The following RNF31 variants were observed in gnomAD, a reference collection of about 807,000 sequenced individuals.
The protein encoded by RNF31 is E3 ubiquitin-protein ligase RNF31.
In RNF31, 38 loss-of-function variants were observed where a neutral mutation model predicts 133.6. The observed-to-expected ratio is 0.28, with a 90% confidence interval of 0.22 to 0.37. The LOEUF (loss-of-function observed/expected upper bound fraction) is 0.37, where lower values mean the gene tolerates loss of function less well. Ranked by LOEUF, RNF31 falls within the 10% of genes least tolerant of loss-of-function variation. The pLI, the probability that RNF31 is intolerant of heterozygous loss-of-function variation, is 1.00. For synonymous variants in RNF31, 582 were observed against 552.3 expected, an observed-to-expected ratio of 1.05 and a Z score of -0.75; for missense variants, 1,118 against 1,394.1, an observed-to-expected ratio of 0.80 and a Z score of 3.15.
chr14:24,148,143 G>A, intron 2 of RNF31, 21 bp downstream of exon 2: 6 of 1,614,026 alleles, frequency 3.7e-6, no homozygotes, highest in East Asian at 2.2e-5. Context: ...TGGCCTTATG[G>A]GAGAGGGGGC....
rs897029759 is a variant in RNF31 at position 24,157,821 on chromosome 14, C to T, written c.2728-77C>T. 2.1e-5 allele frequency: 26 copies of T among 1,265,778 alleles called. 1 individual carries two copies. The Admixed American group carries it at 4.1e-4, about 20-fold the overall frequency. 78.4% of individuals were successfully genotyped at this position (1,265,778 alleles called of 1,614,324 possible). On this transcript the variant is annotated intron_variant, in intron 16 of 20. Transcript: ENST00000324103. The stretch of plus-strand genomic sequence containing the variant: ...TCTCCATCTCCCCTCACCCTTACAC[C>T]CCTCACGCAGGGGTTCCTGAGAGGC...
In RNF31 at chr14:24,157,609, G is replaced by A; in HGVS notation, c.2698G>A (p.Gly900Ser). The change falls in exon 16 of 21, where the codon GGC (glycine) becomes AGC (serine). Residue 900 changes from glycine to serine, a missense_variant. Transcript: ENST00000324103. ...CTQCRHQFCS[G>S]CYNAFYAKNK... ...CCAGTGCCGCCACCAGTTCTGCAGC[G>A]GCTGCTACAATGCCTTTTACGCCAA... 6.2e-7 allele frequency: 1 copy of A among 1,614,148 alleles called. No homozygotes were observed. The highest frequency in any genetic ancestry group is 8.5e-7 in the Non-Finnish European group (1 of 1,180,006).
At chr14:24,156,608 G>A (rs1192675857) in intron 14 of RNF31, among the ~76,000 whole-genome samples, 4 of 152,022 alleles carry the variant, frequency 2.6e-5, no homozygotes, top group Admixed American at 1.3e-4. Context: ...GTGAAACCCC[G>A]TCTCTACTAA....
rs528579961 is a variant in RNF31, at chr14:24,151,635, G to C, written c.1888G>C (p.Glu630Gln). The change falls in exon 10 of 21, where the codon GAG (glutamate) becomes CAG (glutamine). Residue 630 changes from glutamate (E) to glutamine (Q), a missense_variant. By Grantham distance (29) the Glu-to-Gln change is conservative. Transcript: ENST00000324103. The surrounding 1 kb of genome is among the most constrained non-coding windows in gnomAD (Gnocchi z 5.3). ...FRQRLWDSGP[E>Q]PTPSWDGPDK... ...CCAGCGCCTCTGGGACAGTGGCCCT[G>C]AGCCCACCCCTTCCTGGGATGGGCC... 71 of 1,612,702 alleles carry C rather than the reference G, an allele frequency of 4.4e-5. 1 individual carries two copies. The South Asian group carries it at 7.4e-4, about 17-fold the overall frequency.
At position 24,148,027 on chromosome 14, in the gene RNF31, T is replaced by TA; in HGVS notation, c.245dup (p.Tyr82Ter). The TA allele has an allele frequency of 6.2e-7, 1 of 1,614,180 alleles. No homozygotes were observed. The highest frequency in any genetic ancestry group is 8.5e-7 in the Non-Finnish European group (1 of 1,180,020). The change falls in exon 2 of 21, where the codon TAC becomes TAAC. Residue 82 changes from tyrosine to a stop codon, truncating the protein, a stop_gained and frameshift_variant. Transcript: ENST00000324103. LOFTEE classifies it high-confidence loss of function. ...CACGGCTCTGAACATCCTGGAGAAA[T>TA]ACGGCCGCAACCTTCTCAGCCCTCA... Reference protein sequence around the residue: ...LSTALNILEKYGRNLLSPQRP... With the variant: ...LSTALNILEK
At chr14:24,149,949 G>A (rs1407038044) in intron 6 of RNF31, 112 bp from the exon 7 acceptor site, 69 of 1,299,302 alleles carry the variant, frequency 5.3e-5, no homozygotes, top group Non-Finnish European at 6.4e-5. Flanking sequence ...CAGACAATGT[G>A]TGCAAAGGCC....
At chr14:24,156,416 G>A (rs1393293059) in intron 14 of RNF31, among the ~76,000 whole-genome samples, 2 of 152,110 alleles carry the variant, frequency 1.3e-5, no homozygotes, top group Admixed American at 6.6e-5. Flanking sequence ...GTGATCCCTC[G>A]CCTCAGCCTT....
At chr14:24,148,777 C>T in intron 4 of RNF31, 24 bp from the exon 5 acceptor site, 1 of 1,613,984 alleles carries the variant, frequency 6.2e-7, no homozygotes, top group African/African-American at 1.3e-5. Flanking sequence ...AACCCTTATT[C>T]ATTCCCTGCC....
chr14:24,151,861 C>A lies in RNF31; in HGVS notation c.1999C>A (p.Gln667Lys), dbSNP rs1342115477. ...GGCAGAGCTGGCACTGTCACTGCTG[C>A]AGGAGACACCCAGGAACTATGAGTT... The part of the protein sequence containing the change: ...GRAELALSLL[Q>K]ETPRNYELGD... Residue 667 changes from glutamine (Q) to lysine (K), a missense_variant, in exon 11 of 21, where the codon CAG becomes AAG. Gln to Lys is a moderately conservative substitution (Grantham distance 53). Coordinates refer to ENST00000324103, the MANE Select transcript of RNF31 (RefSeq NM_017999.5). The surrounding 1 kb of genome is among the most constrained non-coding windows in gnomAD (Gnocchi z 5.3). The A allele has an allele frequency of 6.2e-7, 1 of 1,614,044 alleles. No homozygotes were observed. Among genetic ancestry groups the A allele is most frequent in the African/African-American group, 1.3e-5 (1 of 74,942 alleles).
In RNF31 at chr14:24,155,365, G is replaced by C; in HGVS notation, c.2304+35G>C. 1.2e-6 allele frequency: 2 copies of C among 1,614,010 alleles called. No individual in the cohort carries two copies. Among genetic ancestry groups the C allele is most frequent in the Non-Finnish European group, 1.7e-6 (2 of 1,179,888 alleles). Reference sequence around the variant, plus strand: ...CCCCTCTAGGACTCAGGTACCCTGAGCTTTGAACAGGGACCCTCCCACCCA... The same window carrying C: ...CCCCTCTAGGACTCAGGTACCCTGACCTTTGAACAGGGACCCTCCCACCCA... On this transcript the variant is annotated intron_variant, in intron 12 of 20. Coordinates refer to ENST00000324103, the MANE Select transcript of RNF31 (RefSeq NM_017999.5). The surrounding 1 kb of genome is among the most constrained non-coding windows in gnomAD (Gnocchi z 4.9).
Position 24,155,548 on chromosome 14 carries a change from G to T in RNF31, c.2403+36G>T, listed in dbSNP as rs372052087. The T allele has an allele frequency of 6.2e-7, 1 of 1,613,272 alleles. No homozygotes were observed. Among genetic ancestry groups the T allele is most frequent in the Non-Finnish European group, 8.5e-7 (1 of 1,179,168 alleles). ...TGCCCAGGGCAGCTACTGTGGAGGG[G>T]CAGGGGATGGTTCCAGGTCAGGCCT... On this transcript the variant is annotated intron_variant, in intron 13 of 20. Coordinates refer to ENST00000324103, the MANE Select transcript of RNF31 (RefSeq NM_017999.5). The surrounding 1 kb of genome is among the most constrained non-coding windows in gnomAD (Gnocchi z 4.9).
chr14:24,157,791 C>A, intron 16 of RNF31, 107 bp from the exon 17 acceptor site: 1 of 1,116,442 alleles, frequency 9.0e-7, no homozygotes, highest in Non-Finnish European at 1.3e-6. Flanking sequence ...CTTGCTCCTC[C>A]AATGTCTCCA....
Position 24,151,014 on chromosome 14 carries a change from C to T in RNF31, c.1489-117C>T. On this transcript the variant is annotated intron_variant, in intron 8 of 20. Coordinates refer to ENST00000324103, the MANE Select transcript of RNF31 (RefSeq NM_017999.5). The surrounding 1 kb of genome is among the most constrained non-coding windows in gnomAD (Gnocchi z 5.3). ...AGCTGCCTGTTACTGAGGCAGTTAC[C>T]ATTGCTGTACACTGATGACATGATC... 2 of 1,514,430 alleles carry T rather than the reference C, an allele frequency of 1.3e-6. No individual in the cohort carries two copies. The highest frequency in any genetic ancestry group is 8.9e-7 in the Non-Finnish European group (1 of 1,123,952). 93.8% of individuals were successfully genotyped at this position (1,514,430 alleles called of 1,614,324 possible).
rs1480542704 is a variant in RNF31 at position 24,149,482 on chromosome 14, G to C, written c.708G>C (p.Leu236=). ...ACTGCCCATCCTGTAAACAGGCCCTGTGTCCAGCCTGTGACCACCTGTTCC... is the reference window on the plus strand; with the variant it reads ...ACTGCCCATCCTGTAAACAGGCCCTCTGTCCAGCCTGTGACCACCTGTTCC... ...TLHCPSCKQA[L]CPACDHLFHG... Residue 236 remains leucine, a synonymous_variant, in exon 6 of 21, where the codon CTG becomes CTC. Transcript: ENST00000324103. 3 of 1,614,126 alleles carry C rather than the reference G, an allele frequency of 1.9e-6. No individual in the cohort carries two copies. Among genetic ancestry groups the C allele is most frequent in the South Asian group, 2.2e-5 (2 of 91,078 alleles).
At chr14:24,159,717 T>TTC (rs2038416356) in intron 18 of RNF31, 147 bp from the exon 19 acceptor site, 1 of 657,404 alleles carries the variant, frequency 1.5e-6, no homozygotes, top group African/African-American at 1.8e-5. Context: ...CACCTCTGAG[T>TTC]ACCCACCAGC....
intron 11 of RNF31, 175 bp from the exon 12 acceptor site, chr14:24,154,982 G>A (rs11622031): frequency 0.52 from 314,934 of 610,654 alleles, 85,215 homozygotes; most frequent in East Asian, 0.89. Context: ...TCCTCCACCC[G>A]ACTGTCTTCA....
Position 24,148,706 on chromosome 14 carries a change from G to A in RNF31, c.555+5G>A, listed in dbSNP as rs1483613086. The A allele has an allele frequency of 4.3e-6, 7 of 1,614,080 alleles. No homozygotes were observed. Among genetic ancestry groups the A allele is most frequent in the African/African-American group, 4.0e-5 (3 of 74,930 alleles). ...GAAGACAAGGTTGAAGATGATGTAA[G>A]GAAGGCAGGAAAGGGGCTGGTGTAC... On this transcript the variant is annotated splice_donor_5th_base_variant and intron_variant, in intron 4 of 20. Transcript: ENST00000324103.
chr14:24,149,723 G>A (rs1310893432), intron 6 of RNF31, 140 bp downstream of exon 6: 4 of 890,898 alleles, frequency 4.5e-6, no homozygotes, highest in Non-Finnish European at 3.3e-6. Flanking sequence ...AGAGATAATA[G>A]ACATACACAT....
In RNF31 at chr14:24,150,414, C is replaced by T; in HGVS notation, c.1163C>T (p.Ser388Phe). 1 of 1,612,344 alleles carries T rather than the reference C, an allele frequency of 6.2e-7. No individual in the cohort carries two copies. Among genetic ancestry groups the T allele is most frequent in the Non-Finnish European group, 8.5e-7 (1 of 1,179,310 alleles). ...CAGCCTCCCAGCTTGGTGGTGGATT[C>T]CCGAGATGCTGGCATTTGCCTGCAA... ...LAQPPSLVVD[S>F]RDAGICLQPL... The change falls in exon 7 of 21, where the codon TCC (serine) becomes TTC (phenylalanine). Residue 388 changes from serine to phenylalanine, a missense_variant. Around this residue, in one of 3 missense-constraint regions of RNF31, gnomAD observed 747 missense variants for 827.9 expected, o/e 0.90. Coordinates refer to ENST00000324103, the MANE Select transcript of RNF31 (RefSeq NM_017999.5).
Sources: allele counts gnomAD v4.1 joint callset (sites outside exome capture counted in the v4.1 genomes callset), GRCh38; gene constraint gnomAD v4.1.1; regional missense constraint gnomAD v4.1.1; non-coding constraint Gnocchi (gnomAD v3.1); transcripts MANE v1.5; gene names NCBI Gene and HGNC (gene_info 2026-07-23, HGNC 2026-07-21).